Variants in ROBO1 observed in about 807,000 individuals in gnomAD.
The protein encoded by ROBO1 is roundabout homolog 1.
A neutral mutation model predicts 195.9 loss-of-function variants in ROBO1; 149 were observed. That is an observed-to-expected ratio of 0.76 (90% CI 0.67 to 0.87). The LOEUF is 0.87. ROBO1 is among the 40% of genes least tolerant of loss of function. ROBO1 has a pLI of 0.00. For missense variants in ROBO1, 1,933 were observed against 2,068.3 expected, an observed-to-expected ratio of 0.93 and a Z score of 1.27; for synonymous variants, 816 against 733.2, an observed-to-expected ratio of 1.11 and a Z score of -1.82.
chr3:78,603,828 G>C (rs541198016), intron 29 of ROBO1, among the ~76,000 whole-genome samples: 1 of 152,188 alleles, frequency 6.6e-6, no homozygotes, highest in African/African-American at 2.4e-5. Flanking sequence ...ACTCATCAGT[G>C]TACCTCAGTG....
chr3:78,668,659 G>T, intron 11 of ROBO1, 94 bp from the exon 12 acceptor site: 1 of 1,010,978 alleles, frequency 9.9e-7, no homozygotes, highest in Non-Finnish European at 1.5e-6. Context: ...CCATGAATAT[G>T]GATAACTGCA....
At position 78,706,532 on chromosome 3, in the gene ROBO1, G is replaced by A. The variant is rs75963766; in HGVS notation, c.1045+7865C>T. On this transcript the variant is annotated intron_variant, in intron 8 of 30. Coordinates refer to ENST00000464233, the MANE Select transcript of ROBO1 (RefSeq NM_002941.4). ...TTTAAAACAATTTTTTTTTAACACTGGGTCTCACTGTGTTGCTTAGGCTGG... is the reference window on the plus strand; with the variant it reads ...TTTAAAACAATTTTTTTTTAACACTAGGTCTCACTGTGTTGCTTAGGCTGG... 8.3e-3 allele frequency among the ~76,000 whole-genome samples: 1,260 copies of A among 151,902 alleles called. 21 individuals are homozygous for A. Among genetic ancestry groups the A allele is most frequent in the Admixed American group, 0.026 (394 of 15,244 alleles).
At chr3:79,090,188 T>C (rs1230443875) in intron 3 of ROBO1, among the ~76,000 whole-genome samples, 1 of 152,186 alleles carries the variant, frequency 6.6e-6, no homozygotes, top group Non-Finnish European at 1.5e-5. Flanking sequence ...TCCACCCGCC[T>C]CAGCCTCCCA....
chr3:78,964,814 T>G lies in ROBO1; in HGVS notation c.173-25887A>C, dbSNP rs1576480264. On this transcript the variant is annotated intron_variant, in intron 3 of 30. Coordinates refer to ENST00000464233, the MANE Select transcript of ROBO1 (RefSeq NM_002941.4). ...AGCAAGCTTAGGGTTTTTTTTTTGT[T>G]TTTTTTTTTTAAACCTGTGTTTCAT... Among the ~76,000 whole-genome samples, 7 of 137,934 alleles carry G rather than the reference T, an allele frequency of 5.1e-5. No homozygotes were observed. The South Asian group carries it at 1.5e-3, about 30-fold the overall frequency. 90.5% of individuals were successfully genotyped at this position (137,934 alleles called of 152,430 possible).
At chr3:79,217,981 A>C (rs748830625) in intron 2 of ROBO1, among the ~76,000 whole-genome samples, 1 of 151,940 alleles carries the variant, frequency 6.6e-6, no homozygotes, top group Admixed American at 6.6e-5. Flanking sequence ...CTTTTATTAC[A>C]CAGGAGATAG....
chr3:78,996,438 T>A (rs2077368541), intron 3 of ROBO1, among the ~76,000 whole-genome samples: 2 of 152,140 alleles, frequency 1.3e-5, no homozygotes, highest in Non-Finnish European at 1.5e-5. Flanking sequence ...ACCTTTGTAC[T>A]TATTTTACCC....
chr3:79,419,136 G>A (rs1372602456), intron 2 of ROBO1, among the ~76,000 whole-genome samples: 1 of 152,144 alleles, frequency 6.6e-6, no homozygotes, highest in Non-Finnish European at 1.5e-5. Flanking sequence ...TGAGGAGTAT[G>A]GAGTTGAGTC....
At chr3:79,660,902 A>G (rs1259173009) in intron 1 of ROBO1, among the ~76,000 whole-genome samples, 1 of 152,048 alleles carries the variant, frequency 6.6e-6, no homozygotes, top group Non-Finnish European at 1.5e-5. Flanking sequence ...GAAACTTAAA[A>G]CTGTTAATTG....
At chr3:79,089,985 G>T (rs1322737015) in intron 3 of ROBO1, among the ~76,000 whole-genome samples, 1 of 147,754 alleles carries the variant, frequency 6.8e-6, no homozygotes, top group Non-Finnish European at 1.5e-5. Context: ...TGTTGCCCAG[G>T]CTGGAGTGCA....
chr3:78,954,416 GATTGTTTGTA>G (rs2040939137), intron 3 of ROBO1, among the ~76,000 whole-genome samples: 1 of 151,992 alleles, frequency 6.6e-6, no homozygotes, highest in South Asian at 2.1e-4. Flanking sequence ...CCAGAGTATA[GATTGTTTGTA>G]ATTGTGCATC....
At chr3:79,388,868 T>G (rs1281112883) in intron 2 of ROBO1, among the ~76,000 whole-genome samples, 1 of 152,054 alleles carries the variant, frequency 6.6e-6, no homozygotes. Context: ...TCATGTATGA[T>G]GGGTATATAT....
intron 3 of ROBO1, among the ~76,000 whole-genome samples, chr3:79,104,407 C>T (rs970530612): frequency 6.6e-6 from 1 of 151,666 alleles, no homozygotes; most frequent in Non-Finnish European, 1.5e-5. Flanking sequence ...AATAATTACT[C>T]GCTGATAAAT....
chr3:78,938,359 A>C, intron 4 of ROBO1: 1 of 437,294 alleles, frequency 2.3e-6, no homozygotes, highest in South Asian at 3.3e-5. Context: ...TCCAACAGAA[A>C]ATCACTCCCA....
rs141690405 is a variant in ROBO1 at position 78,682,856 on chromosome 3, A to G, written c.1342+2890T>C. Among the ~76,000 whole-genome samples, 848 of 151,380 alleles carry G rather than the reference A, an allele frequency of 5.6e-3. 3 individuals carry two copies. The highest frequency in any genetic ancestry group is 0.02 in the African/African-American group (809 of 41,404). ...TTTTATATTAACCTTGTGTCCAGCA[A>G]CTTTGCTAAATTCACTCATTTTTAA... On this transcript the variant is annotated intron_variant, in intron 10 of 30. Coordinates refer to ENST00000464233, the MANE Select transcript of ROBO1 (RefSeq NM_002941.4).
At chr3:79,245,422 A>T (rs755725807) in intron 2 of ROBO1, among the ~76,000 whole-genome samples, 39 of 152,066 alleles carry the variant, frequency 2.6e-4, no homozygotes, top group Non-Finnish European at 5.3e-4. Context: ...TGTCCTTCCT[A>T]GTGCTAATTT....
At chr3:79,740,531 C>T (rs1703597446) in intron 1 of ROBO1, among the ~76,000 whole-genome samples, 2 of 152,032 alleles carry the variant, frequency 1.3e-5, no homozygotes, top group African/African-American at 4.8e-5. Context: ...ACAATCATGA[C>T]AAAAGGTACC....
chr3:79,564,997 C>A (rs1291997881), intron 2 of ROBO1, among the ~76,000 whole-genome samples: 1 of 151,984 alleles, frequency 6.6e-6, no homozygotes, highest in East Asian at 1.9e-4. Flanking sequence ...TGATAAAATA[C>A]AGATTTCAAT....
At chr3:78,667,250 G>C (rs775722834) in intron 14 of ROBO1, among the ~76,000 whole-genome samples, 6 of 151,988 alleles carry the variant, frequency 3.9e-5, no homozygotes, top group African/African-American at 9.7e-5. Context: ...AAATTGAATA[G>C]AATACACAAA....
chr3:78,715,182 C>T (rs1196801875), intron 7 of ROBO1: 3 of 152,160 alleles, frequency 2.0e-5, no homozygotes, highest in Non-Finnish European at 4.4e-5. Context: ...ATCCCTAATT[C>T]ATCTAAGTTC....
Sources: allele counts gnomAD v4.1 joint callset (sites outside exome capture counted in the v4.1 genomes callset), GRCh38; gene constraint gnomAD v4.1.1; transcripts MANE v1.5; gene names NCBI Gene and HGNC (gene_info 2026-07-23, HGNC 2026-07-21).